The following CHL1 variants were observed in gnomAD, a reference collection of about 807,000 sequenced individuals.
The protein encoded by CHL1 is neural cell adhesion molecule L1-like protein.
CHL1 carries 96 observed loss-of-function variants against 141.9 expected under a neutral mutation model. The ratio of observed to expected loss-of-function variants is 0.68; its 90% confidence interval spans 0.57 to 0.80. CHL1 has a LOEUF of 0.80. Among genes scored for constraint, CHL1 ranks in the 30% least tolerant of loss-of-function variants. The probability of loss-of-function intolerance (pLI) is 0.00; values close to 1 mark genes in which losing one functional copy is unlikely to be tolerated. For synonymous variants in CHL1, 613 were observed against 502.2 expected, an observed-to-expected ratio of 1.22 and a Z score of -2.95; for missense variants, 1,820 against 1,457.2, an observed-to-expected ratio of 1.25 and a Z score of -4.05.
In CHL1 at chr3:382,588, A is replaced by G; in HGVS notation, c.2093A>G (p.Tyr698Cys). 6 of 1,613,998 alleles carry G rather than the reference A, an allele frequency of 3.7e-6. No homozygotes were observed. The highest frequency in any genetic ancestry group is 5.1e-6 in the Non-Finnish European group (6 of 1,179,902). Residue 698 changes from tyrosine to cysteine, a missense_variant, in exon 18 of 28, where the codon TAC (tyrosine) becomes TGC (cysteine). By Grantham distance (194) the Tyr-to-Cys change is radical (BLOSUM62 -2). Transcript: ENST00000256509. ...VILPLAPFVR[Y>C]QFRVIAVNEV... The stretch of plus-strand genomic sequence containing the variant: ...TTACCTTTGGCTCCATTTGTGAGAT[A>G]CCAGTTCAGGGTCATAGCCGTGAAC...
At chr3:201,039 T>A (rs534258958) in intron 1 of CHL1, among the ~76,000 whole-genome samples, 1 of 152,338 alleles carries the variant, frequency 6.6e-6, no homozygotes, top group East Asian at 1.9e-4. Flanking sequence ...TTTAAGTTTA[T>A]CTTCTGAGAA....
In CHL1 at chr3:328,172, C is replaced by T. The variant is rs1159504136; in HGVS notation, c.203C>T (p.Ser68Leu). 5.0e-6 allele frequency: 8 copies of T among 1,601,234 alleles called. No homozygotes were observed. Among genetic ancestry groups the T allele is most frequent in the Admixed American group, 1.7e-5 (1 of 58,602 alleles). Residue 68 changes from serine to leucine, a missense_variant, in exon 5 of 28, where the codon TCG (serine) becomes TTG (leucine). Physicochemically the swap from Ser to Leu is moderately radical, Grantham distance 145. Coordinates refer to ENST00000256509, the MANE Select transcript of CHL1 (RefSeq NM_006614.4). Reference protein sequence around the residue: ...EAKGNPEPTFSWTKDGNPFYF... With the variant: ...EAKGNPEPTFLWTKDGNPFYF... ...AGTTCAGTTTTATGTTTTAGATTTT[C>T]GTGGACTAAGGATGGCAACCCTTTT...
At chr3:403,970 A>G (rs763267698) in intron 27 of CHL1, among the ~76,000 whole-genome samples, 2 of 152,144 alleles carry the variant, frequency 1.3e-5, no homozygotes, top group Non-Finnish European at 2.9e-5. Context: ...TAACTGCAAT[A>G]TCCTAATTCA....
chr3:212,808 T>C (rs1357148286), intron 1 of CHL1, among the ~76,000 whole-genome samples: 1 of 152,206 alleles, frequency 6.6e-6, no homozygotes, highest in Non-Finnish European at 1.5e-5. Context: ...TGCTGTCTTT[T>C]CTTCTTAAAA....
chr3:207,634 G>A (rs6771924), intron 1 of CHL1, among the ~76,000 whole-genome samples: 52,373 of 151,984 alleles, frequency 0.34, 11,016 homozygotes, highest in East Asian at 0.52. Context: ...GCTATATTGC[G>A]TTATTTGTTA....
chr3:327,996 A>C (rs867102038), intron 4 of CHL1, among the ~76,000 whole-genome samples, 171 bp from the exon 5 acceptor site: 1 of 152,094 alleles, frequency 6.6e-6, no homozygotes, highest in African/African-American at 2.4e-5. Context: ...ATGGACAGTA[A>C]TATTTCTCAG....
intron 16 of CHL1, among the ~76,000 whole-genome samples, chr3:378,333 G>C (rs1171094096): frequency 6.6e-6 from 1 of 152,154 alleles, no homozygotes; most frequent in Non-Finnish European, 1.5e-5. Flanking sequence ...TGGATGCACG[G>C]TGGTCATCTC....
intron 2 of CHL1, among the ~76,000 whole-genome samples, chr3:271,130 A>G (rs1695599952): frequency 6.6e-6 from 1 of 152,220 alleles, no homozygotes; most frequent in Non-Finnish European, 1.5e-5. Flanking sequence ...AATCAAAAAA[A>G]AATTCTTATA....
intron 1 of CHL1, among the ~76,000 whole-genome samples, chr3:217,107 A>G (rs1700386438): frequency 6.6e-6 from 1 of 152,056 alleles, no homozygotes. Context: ...TGGGGAAGAA[A>G]TTACCTTCTG....
intron 5 of CHL1, among the ~76,000 whole-genome samples, chr3:331,432 G>A (rs886844459): frequency 1.3e-5 from 2 of 151,896 alleles, no homozygotes; most frequent in African/African-American, 2.4e-5. Flanking sequence ...TGTAGAGATG[G>A]GGTCTCACTA....
intron 2 of CHL1, among the ~76,000 whole-genome samples, chr3:313,474 A>G (rs1386488235): frequency 6.6e-6 from 1 of 152,170 alleles, no homozygotes; most frequent in Non-Finnish European, 1.5e-5. Context: ...CAAAAGGGAA[A>G]ATCGAAGCAT....
chr3:344,494 T>G, intron 8 of CHL1, 95 bp from the exon 9 acceptor site: 2 of 717,532 alleles, frequency 2.8e-6, no homozygotes, highest in Non-Finnish European at 2.3e-6. Flanking sequence ...CACACACTCG[T>G]GTGTCGGATT....
intron 16 of CHL1, among the ~76,000 whole-genome samples, 185 bp from the exon 17 acceptor site, chr3:381,994 G>A (rs1273836842): frequency 7.1e-6 from 1 of 141,166 alleles, no homozygotes; most frequent in Non-Finnish European, 1.5e-5. Flanking sequence ...GGGCTAGCTA[G>A]GTGCCTGAAT....
intron 2 of CHL1, among the ~76,000 whole-genome samples, chr3:245,367 G>A (rs1693066255): frequency 6.6e-6 from 1 of 152,100 alleles, no homozygotes; most frequent in African/African-American, 2.4e-5. Context: ...TCATAAAACT[G>A]GAATAATAGT....
intron 15 of CHL1, among the ~76,000 whole-genome samples, chr3:367,446 C>T (rs1299284417): frequency 6.6e-6 from 1 of 152,162 alleles, no homozygotes; most frequent in Non-Finnish European, 1.5e-5. Context: ...AGCTGCTTAA[C>T]ATCTTTGTGC....
At chr3:285,807 T>C (rs1232289956) in intron 2 of CHL1, among the ~76,000 whole-genome samples, 1 of 152,178 alleles carries the variant, frequency 6.6e-6, no homozygotes, top group Non-Finnish European at 1.5e-5. Context: ...ACAATATTTT[T>C]ATTTTGCTTT....
intron 18 of CHL1, among the ~76,000 whole-genome samples, chr3:383,182 T>C (rs1575240320): frequency 6.6e-6 from 1 of 152,310 alleles, no homozygotes. Flanking sequence ...CTCTAGGACA[T>C]AATTTCCTTT....
chr3:308,841 G>T, intron 2 of CHL1: 1 of 163,748 alleles, frequency 6.1e-6, no homozygotes, highest in South Asian at 1.9e-4. Flanking sequence ...CGCCCTGCTG[G>T]AACTGCTCCT....
chr3:234,197 A>G (rs940700997), intron 1 of CHL1, among the ~76,000 whole-genome samples: 1 of 150,722 alleles, frequency 6.6e-6, no homozygotes, highest in South Asian at 2.1e-4. Flanking sequence ...GTGTGTGTAT[A>G]TATATATATA....
Sources: gnomAD v4.1 joint callset for allele counts (sites outside exome capture counted in the v4.1 genomes callset) on GRCh38, gnomAD v4.1.1 for gene constraint, MANE v1.5 for transcripts, NCBI Gene and HGNC (gene_info 2026-07-23, HGNC 2026-07-21) for gene names.